CDH2: variants seen among roughly 807,000 people sequenced by gnomAD.
The protein encoded by CDH2 is cadherin 2, also known as cadherin-2.
Under a neutral mutation model 92.0 loss-of-function variants are expected in CDH2, and 17 were observed. The observed-to-expected ratio is 0.18, with a 90% CI of 0.13 to 0.28. The LOEUF (loss-of-function observed/expected upper bound fraction) is 0.28. CDH2 is among the 10% of genes least tolerant of loss of function. The pLI is 1.00. For synonymous variants in CDH2, 419 were observed against 415.9 expected (o/e 1.01, Z -0.09); for missense variants, 862 against 1,133.1 (o/e 0.76, Z 3.44).
intron 2 of CDH2, among the ~76,000 whole-genome samples, chr18:28,099,379 T>C (rs572553927): frequency 6.6e-6 from 1 of 152,262 alleles, no homozygotes; most frequent in African/African-American, 2.4e-5. Flanking sequence ...GTGGTGATAA[T>C]ACTACATGAA....
chr18:28,003,568 G>A (rs921235642), intron 6 of CDH2, among the ~76,000 whole-genome samples: 1 of 152,224 alleles, frequency 6.6e-6, no homozygotes, highest in Admixed American at 6.5e-5. Context: ...CTTCCGTTAT[G>A]CAATGATGTC....
intron 5 of CDH2, among the ~76,000 whole-genome samples, chr18:28,007,772 G>C (rs2012982971): frequency 6.6e-6 from 1 of 152,064 alleles, no homozygotes; most frequent in Non-Finnish European, 1.5e-5. Flanking sequence ...CCAGGCTGGA[G>C]GGTAAGAGTG....
intron 2 of CDH2, among the ~76,000 whole-genome samples, chr18:28,014,601 TA>T (rs1341002619): frequency 2.4e-4 from 37 of 152,174 alleles, no homozygotes; most frequent in African/African-American, 8.4e-4. Context: ...GTAACATATT[TA>T]AAAAATTTTA....
At chr18:28,046,174 T>A (rs944035724) in intron 2 of CDH2, among the ~76,000 whole-genome samples, 1 of 152,192 alleles carries the variant, frequency 6.6e-6, no homozygotes, top group Non-Finnish European at 1.5e-5. Context: ...ACAGTCTAAA[T>A]AATTTAAATA....
chr18:28,086,303 T>C (rs1247392252), intron 2 of CDH2, among the ~76,000 whole-genome samples: 1 of 152,174 alleles, frequency 6.6e-6, no homozygotes, highest in East Asian at 1.9e-4. Context: ...ATTAGAACTC[T>C]ATAGTTATTC....
intron 15 of CDH2, among the ~76,000 whole-genome samples, chr18:27,961,953 A>T (rs2011416586): frequency 6.6e-6 from 1 of 152,086 alleles, no homozygotes; most frequent in Non-Finnish European, 1.5e-5. Flanking sequence ...AACCAAAAAA[A>T]ATTAAAAAAA....
chr18:28,175,995 C>T (rs936063555), intron 1 of CDH2, among the ~76,000 whole-genome samples: 13 of 152,308 alleles, frequency 8.5e-5, no homozygotes, highest in African/African-American at 3.1e-4. Flanking sequence ...AGCCTGGGGG[C>T]ATCCTCGGGT....
intron 2 of CDH2, among the ~76,000 whole-genome samples, chr18:28,085,701 C>G (rs2014913835): frequency 6.6e-6 from 1 of 152,122 alleles, no homozygotes; most frequent in East Asian, 1.9e-4. Context: ...GGATGGAAAT[C>G]TTCAACTTTG....
chr18:28,148,761 A>G (rs950650175), intron 1 of CDH2, among the ~76,000 whole-genome samples: 3 of 152,184 alleles, frequency 2.0e-5, no homozygotes, highest in Admixed American at 6.5e-5. Context: ...GAAGTCCCAG[A>G]AACAGAGAGA....
intron 2 of CDH2, among the ~76,000 whole-genome samples, chr18:28,090,136 A>G (rs1158472466): frequency 2.0e-5 from 3 of 152,186 alleles, no homozygotes; most frequent in African/African-American, 7.2e-5. Flanking sequence ...TTTATAAACA[A>G]AACAGAATTA....
intron 2 of CDH2, among the ~76,000 whole-genome samples, chr18:28,114,645 T>C (rs2015466055): frequency 6.6e-6 from 1 of 152,146 alleles, no homozygotes; most frequent in Non-Finnish European, 1.5e-5. Flanking sequence ...TGGTTTTTAA[T>C]AATGACTCAC....
At chr18:28,140,012 G>A (rs2015927355) in intron 2 of CDH2, among the ~76,000 whole-genome samples, 2 of 151,870 alleles carry the variant, frequency 1.3e-5, no homozygotes. Context: ...ATCCTTCACA[G>A]TGCTCAAACA....
intron 2 of CDH2, among the ~76,000 whole-genome samples, chr18:28,047,718 A>G (rs1599060843): frequency 6.6e-6 from 1 of 151,912 alleles, no homozygotes; most frequent in Admixed American, 6.6e-5. Flanking sequence ...CATAAAAAAA[A>G]ATTAGCCGGG....
intron 2 of CDH2, among the ~76,000 whole-genome samples, chr18:28,123,706 T>G (rs2015629057): frequency 1.3e-5 from 2 of 152,148 alleles, no homozygotes; most frequent in Admixed American, 6.6e-5. Flanking sequence ...AAGCACAGGC[T>G]TCATTCCACT....
At position 28,086,628 on chromosome 18, in the gene CDH2, T is replaced by C. The variant is rs201744595; in HGVS notation, c.172+61045A>G. The stretch of plus-strand genomic sequence containing the variant: ...CTAAATAATATATGAATCTGGACAA[T>C]TACAAATGTATGTTTTTGCTTTTTG... On this transcript the variant is annotated intron_variant, in intron 2 of 15. Transcript: ENST00000269141. Among the ~76,000 whole-genome samples the C allele has an allele frequency of 1.6e-4, 24 of 152,252 alleles. No homozygotes were observed. The East Asian group carries it at 1.7e-3, about 11-fold the overall frequency.
chr18:28,157,513 T>C (rs993959588), intron 1 of CDH2, among the ~76,000 whole-genome samples: 22 of 152,206 alleles, frequency 1.4e-4, no homozygotes, highest in Admixed American at 2.0e-4. Context: ...GTCATCTAGT[T>C]AGTCAATTTA....
intron 2 of CDH2, among the ~76,000 whole-genome samples, chr18:28,058,958 A>G (rs1348137740): frequency 1.3e-5 from 2 of 152,218 alleles, no homozygotes; most frequent in Non-Finnish European, 2.9e-5. Context: ...CTATTTGGTT[A>G]AAACAGGTGA....
Position 28,068,325 on chromosome 18 carries a change from G to A in CDH2, c.173-54416C>T, listed in dbSNP as rs144622190. Among the ~76,000 whole-genome samples, 21 of 152,292 alleles carry A rather than the reference G, an allele frequency of 1.4e-4. No homozygotes were observed. In the East Asian group the frequency reaches 3.7e-3, roughly 27 times the overall value. On this transcript the variant is annotated intron_variant, in intron 2 of 15. Transcript: ENST00000269141. ...TATAAGGTCTCAACATTATTAGCATGAACAATGGCTATCTATAAATATAAA... is the reference window on the plus strand; with the variant it reads ...TATAAGGTCTCAACATTATTAGCATAAACAATGGCTATCTATAAATATAAA...
In CDH2 at chr18:28,147,694, C is replaced by T; in HGVS notation, c.151G>A (p.Glu51Lys). 1 of 1,605,612 alleles carries T rather than the reference C, an allele frequency of 6.2e-7. No homozygotes were observed. The highest frequency in any genetic ancestry group is 8.5e-7 in the Non-Finnish European group (1 of 1,173,046). ...YSAVLSKDVH[E>K]GQPLLNVKFS... ...GTACCATTGAGAAGAGGCTGTCCTTCATGCACATCCTTCGATAAGACTGCA... is the reference window on the plus strand; with the variant it reads ...GTACCATTGAGAAGAGGCTGTCCTTTATGCACATCCTTCGATAAGACTGCA... The change falls in exon 2 of 16, where the codon GAA (glutamate) becomes AAA (lysine). Residue 51 changes from glutamate to lysine, a missense_variant. By Grantham distance (56) the Glu-to-Lys change is moderately conservative. Transcript: ENST00000269141.
Sources: gnomAD v4.1 joint callset for allele counts (sites outside exome capture counted in the v4.1 genomes callset) on GRCh38, gnomAD v4.1.1 for gene constraint, MANE v1.5 for transcripts, NCBI Gene and HGNC (gene_info 2026-07-23, HGNC 2026-07-21) for gene names.